ATP1B3: variants seen among roughly 807,000 people sequenced by gnomAD.
ATP1B3 encodes ATPase Na+/K+ transporting subunit beta 3.
A neutral mutation model predicts 30.2 loss-of-function variants in ATP1B3; 10 were observed. That is an observed-to-expected ratio of 0.33 (90% CI 0.20 to 0.56). ATP1B3 has a LOEUF of 0.56. Among genes scored for constraint, ATP1B3 ranks in the 20% least tolerant of loss-of-function variants. The probability of loss-of-function intolerance (pLI) is 0.90; values close to 1 mark genes in which losing one functional copy is unlikely to be tolerated. For missense variants in ATP1B3, 238 were observed against 336.7 expected, an observed-to-expected ratio of 0.71 and a Z score of 2.29; for synonymous variants, 113 against 117.0, an observed-to-expected ratio of 0.97 and a Z score of 0.22.
chr3:141,900,178 A>G (rs1457125658), intron 1 of ATP1B3, among the ~76,000 whole-genome samples: 1 of 152,234 alleles, frequency 6.6e-6, no homozygotes, highest in Non-Finnish European at 1.5e-5. Flanking sequence ...AAGATGGAGC[A>G]TGGTCCCCCA....
At chr3:141,895,475 C>G (rs1403244290) in intron 1 of ATP1B3, among the ~76,000 whole-genome samples, 2 of 152,196 alleles carry the variant, frequency 1.3e-5, no homozygotes, top group Non-Finnish European at 1.5e-5. Flanking sequence ...CAAGCGTGAG[C>G]CACTGCGTCC....
At chr3:141,892,800 A>ACATGATGG (rs1577960419) in intron 1 of ATP1B3, among the ~76,000 whole-genome samples, 2 of 152,040 alleles carry the variant, frequency 1.3e-5, no homozygotes, top group East Asian at 3.9e-4. Context: ...AACGTTTTGG[A>ACATGATGG]CATGATGGTA....
At chr3:141,921,422 A>G (rs1934562386) in intron 5 of ATP1B3, 1 of 152,170 alleles carries the variant, frequency 6.6e-6, no homozygotes, top group Non-Finnish European at 1.5e-5. Flanking sequence ...TTTGTCGAGG[A>G]GAGTTTTGCT....
chr3:141,902,019 A>C lies in ATP1B3; in HGVS notation c.110-1601A>C, dbSNP rs563253871. 923 of 755,016 alleles carry C rather than the reference A, an allele frequency of 1.2e-3. 11 individuals carry two copies. In the South Asian group the frequency reaches 0.013, roughly 11 times the overall value. The allele number at this position is 755,016 out of a possible 1,614,324, so 46.8% of individuals were successfully genotyped here. On this transcript the variant is annotated intron_variant, in intron 1 of 6. Coordinates refer to ENST00000286371, the MANE Select transcript of ATP1B3 (RefSeq NM_001679.4). ...TCGTTCCTGCAGACACCTAGATCTCAAAGAATTTCTCTTCTGTATCTTATT... is the reference window on the plus strand; with the variant it reads ...TCGTTCCTGCAGACACCTAGATCTCCAAGAATTTCTCTTCTGTATCTTATT...
chr3:141,901,928 T>C (rs1348023630), intron 1 of ATP1B3, among the ~76,000 whole-genome samples: 2 of 152,204 alleles, frequency 1.3e-5, no homozygotes, highest in African/African-American at 4.8e-5. Flanking sequence ...CAAAACCTTA[T>C]TGGAATACAG....
At chr3:141,914,729 A>C (rs2107777205) in intron 4 of ATP1B3, among the ~76,000 whole-genome samples, 1 of 152,288 alleles carries the variant, frequency 6.6e-6, no homozygotes, top group East Asian at 1.9e-4. Flanking sequence ...ATCCCTAATA[A>C]AAGTAAAATT....
chr3:141,918,314 A>G (rs1245034091), intron 5 of ATP1B3: 3 of 152,316 alleles, frequency 2.0e-5, no homozygotes, highest in East Asian at 3.8e-4. Context: ...AGCAGGCTGC[A>G]TAGATAAGCT....
At chr3:141,899,120 G>T (rs937272586) in intron 1 of ATP1B3, among the ~76,000 whole-genome samples, 1 of 152,092 alleles carries the variant, frequency 6.6e-6, no homozygotes, top group African/African-American at 2.4e-5. Flanking sequence ...TTGGGAGGAG[G>T]TGTTGAAAAT....
rs558306251 is a variant in ATP1B3 at position 141,897,318 on chromosome 3, T to TC, written c.110-6300dup. Among the ~76,000 whole-genome samples, 9 of 152,350 alleles carry TC rather than the reference T, an allele frequency of 5.9e-5. No individual in the cohort carries two copies. The East Asian group carries it at 1.2e-3, about 20-fold the overall frequency. On this transcript the variant is annotated intron_variant, in intron 1 of 6. Coordinates refer to ENST00000286371, the MANE Select transcript of ATP1B3 (RefSeq NM_001679.4). ...TAGAGAGGATTCTTTTTGTTTTTTTTCCTAGCATCCAGTATCTATAATTCA... is the reference window on the plus strand; with the variant it reads ...TAGAGAGGATTCTTTTTGTTTTTTTTCCCTAGCATCCAGTATCTATAATTCA...
intron 3 of ATP1B3, among the ~76,000 whole-genome samples, chr3:141,911,021 A>G (rs1269825341): frequency 7.1e-6 from 1 of 140,758 alleles, no homozygotes; most frequent in East Asian, 2.0e-4. Flanking sequence ...AATTTTCTTT[A>G]TCTCTTTTGG....
chr3:141,877,344 G>A (rs1363710215), intron 1 of ATP1B3, among the ~76,000 whole-genome samples: 3 of 152,036 alleles, frequency 2.0e-5, no homozygotes, highest in Non-Finnish European at 4.4e-5. Flanking sequence ...GAGCGGTTCG[G>A]AGAAGCCAGA....
intron 3 of ATP1B3, among the ~76,000 whole-genome samples, chr3:141,912,657 ATTAT>A (rs1357372614): frequency 1.3e-5 from 2 of 152,174 alleles, no homozygotes; most frequent in Admixed American, 1.3e-4. Flanking sequence ...TCATATGTTA[ATTAT>A]TTATTAGTAA....
intron 4 of ATP1B3, among the ~76,000 whole-genome samples, chr3:141,914,958 G>A (rs1576399479): frequency 6.6e-6 from 1 of 152,280 alleles, no homozygotes; most frequent in East Asian, 1.9e-4. Flanking sequence ...ATTAAGAATT[G>A]AAGTTAACAA....
intron 1 of ATP1B3, among the ~76,000 whole-genome samples, chr3:141,877,281 T>G (rs996370938): frequency 1.4e-5 from 2 of 141,594 alleles, no homozygotes; most frequent in Admixed American, 1.4e-4. Context: ...CCGGGCCTCC[T>G]TTGTACGGAG....
At chr3:141,906,343 CTAATT>C (rs1433359949) in intron 2 of ATP1B3, among the ~76,000 whole-genome samples, 3 of 152,138 alleles carry the variant, frequency 2.0e-5, no homozygotes, top group African/African-American at 7.2e-5. Context: ...CCACACCCAC[CTAATT>C]TTTGTATTTT....
intron 1 of ATP1B3, among the ~76,000 whole-genome samples, chr3:141,883,923 G>C (rs1473102710): frequency 6.6e-6 from 1 of 152,172 alleles, no homozygotes; most frequent in African/African-American, 2.4e-5. Flanking sequence ...TGGAGACTCA[G>C]CTGGGTTTGT....
chr3:141,889,019 T>C lies in ATP1B3; in HGVS notation c.109+12109T>C, dbSNP rs566930304. Reference sequence around the variant, plus strand: ...GGAGGCTTCAGGAAACTTACAATCATGGCAGAAGGCAAAGGGAAAGCAAGG... The same window carrying C: ...GGAGGCTTCAGGAAACTTACAATCACGGCAGAAGGCAAAGGGAAAGCAAGG... On this transcript the variant is annotated intron_variant, in intron 1 of 6. Transcript: ENST00000286371. Among the ~76,000 whole-genome samples the C allele has an allele frequency of 7.2e-5, 11 of 152,266 alleles. No individual in the cohort carries two copies. The East Asian group carries it at 2.1e-3, about 29-fold the overall frequency.
chr3:141,877,063 C>G (rs1406293327), intron 1 of ATP1B3, among the ~76,000 whole-genome samples, 153 bp downstream of exon 1: 1 of 151,334 alleles, frequency 6.6e-6, no homozygotes, highest in Non-Finnish European at 1.5e-5. Flanking sequence ...CAGTGCGGCC[C>G]CATTCATTGC....
chr3:141,917,005 C>G (rs559622675), intron 5 of ATP1B3, among the ~76,000 whole-genome samples: 1 of 146,254 alleles, frequency 6.8e-6, no homozygotes, highest in Non-Finnish European at 1.5e-5. Flanking sequence ...GGACTACAGG[C>G]GCTCCCGGCT....
Sources: gnomAD v4.1 joint callset for allele counts (sites outside exome capture counted in the v4.1 genomes callset) on GRCh38, gnomAD v4.1.1 for gene constraint, MANE v1.5 for transcripts, NCBI Gene and HGNC (gene_info 2026-07-23, HGNC 2026-07-21) for gene names.